The following CORO2B variants were observed in gnomAD, a reference collection of about 807,000 sequenced individuals.
The protein encoded by CORO2B is coronin 2B.
Under a neutral mutation model 58.8 loss-of-function variants are expected in CORO2B, and 26 were observed. The ratio of observed to expected loss-of-function variants is 0.44; its 90% CI spans 0.32 to 0.61. CORO2B has a LOEUF of 0.61. Among genes scored for constraint, CORO2B ranks in the 20% least tolerant of loss-of-function variants. CORO2B has a pLI of 0.04. For missense variants in CORO2B, 460 were observed against 645.1 expected (o/e 0.71, Z 3.11); for synonymous variants, 242 against 253.8 (o/e 0.95, Z 0.44).
intron 2 of CORO2B, among the ~76,000 whole-genome samples, chr15:68,674,945 G>A (rs1276185935): frequency 1.3e-5 from 2 of 152,144 alleles, no homozygotes; most frequent in South Asian, 2.1e-4. Flanking sequence ...GGTGGAGCAC[G>A]AAAGGAATGA....
intron 11 of CORO2B, 27 bp downstream of exon 11, chr15:68,719,579 C>T (rs55921407): frequency 0.21 from 341,979 of 1,601,468 alleles, 39,562 homozygotes; most frequent in Non-Finnish European, 0.24. Context: ...ATTACCTCCA[C>T]AGGCCCTGGA....
In CORO2B at chr15:68,579,234, G is replaced by GC; in HGVS notation, c.-28dup. 8.8e-7 allele frequency: 1 copy of GC among 1,132,344 alleles called. No individual in the cohort carries two copies. Among genetic ancestry groups the GC allele is most frequent in the Non-Finnish European group, 1.1e-6 (1 of 925,232 alleles). The allele number at this position is 1,132,344 out of a possible 1,614,324, so 70.1% of individuals were successfully genotyped here. A position where few individuals can be genotyped will look rare whatever the true frequency, so the allele number is the denominator to read the frequency against. ...GCCGCCGCCCCCGCACGCCGCGCCC[G>GC]CGCCCCCGCTCCGCCGCGGAGTTTC... On this transcript the variant is annotated 5_prime_UTR_variant, in exon 1 of 12. Transcript: ENST00000261861.
intron 2 of CORO2B, among the ~76,000 whole-genome samples, chr15:68,682,996 G>A (rs1170175464): frequency 6.6e-6 from 1 of 152,204 alleles, no homozygotes; most frequent in Non-Finnish European, 1.5e-5. Flanking sequence ...CAGAAGGAGG[G>A]GTTTTTATAA....
chr15:68,523,001 T>G, the CORO2B span, among the ~76,000 whole-genome samples: 3 of 152,108 alleles, frequency 2.0e-5, no homozygotes, highest in Non-Finnish European at 2.9e-5. Flanking sequence ...GCAGTTAGAG[T>G]AGGGGCTGTT....
chr15:68,539,435 G>A, the CORO2B span, among the ~76,000 whole-genome samples: 1 of 152,140 alleles, frequency 6.6e-6, no homozygotes, highest in Non-Finnish European at 1.5e-5. Context: ...CACTTTGGGA[G>A]GCCAAGGCAG....
intron 1 of CORO2B, chr15:68,641,510 G>A: frequency 1.0e-6 from 1 of 985,024 alleles, no homozygotes. Flanking sequence ...GGGGAGGGTG[G>A]ACGAGGAAGA....
the CORO2B span, among the ~76,000 whole-genome samples, chr15:68,553,807 C>G: frequency 1.3e-5 from 2 of 152,138 alleles, no homozygotes; most frequent in African/African-American, 4.8e-5. Context: ...ATGAAGCTAT[C>G]AGAGAAGAGG....
At chr15:68,664,823 T>G (rs1275516058) in intron 2 of CORO2B, among the ~76,000 whole-genome samples, 2 of 152,230 alleles carry the variant, frequency 1.3e-5, no homozygotes, top group South Asian at 2.1e-4. Flanking sequence ...CCTTTTTGTG[T>G]GAATTGTCTG....
chr15:68,690,496 C>T (rs1246139700), intron 2 of CORO2B, among the ~76,000 whole-genome samples: 1 of 152,174 alleles, frequency 6.6e-6, no homozygotes, highest in Non-Finnish European at 1.5e-5. Flanking sequence ...TCCCTTCTTA[C>T]TACGCACACA....
upstream of CORO2B, among the ~76,000 whole-genome samples, chr15:68,575,694 C>T (rs145181094): frequency 9.5e-3 from 1,443 of 151,700 alleles, 10 homozygotes; most frequent in South Asian, 0.015. Flanking sequence ...CACTACTCCC[C>T]ACCTCCACTG....
At position 68,726,001 on chromosome 15, in the gene CORO2B, C is replaced by G; in HGVS notation, c.*27C>G. The G allele has an allele frequency of 6.2e-7, 1 of 1,610,606 alleles. No homozygotes were observed. Among genetic ancestry groups the G allele is most frequent in the Middle Eastern group, 1.7e-4 (1 of 6,060 alleles). The stretch of plus-strand genomic sequence containing the variant: ...TCCCCAGCTGGGCTGTTTTCTAAGC[C>G]GATCTCTCCGTCGTTTCTACTCATC... On this transcript the variant is annotated 3_prime_UTR_variant, in exon 12 of 12. Transcript: ENST00000261861.
chr15:68,716,514 A>G (rs148113624), intron 8 of CORO2B, among the ~76,000 whole-genome samples: 337 of 152,290 alleles, frequency 2.2e-3, no homozygotes, highest in Middle Eastern at 6.8e-3. Flanking sequence ...CCTTACTCTC[A>G]TGGAGATCAC....
the CORO2B span, among the ~76,000 whole-genome samples, chr15:68,565,789 G>A: frequency 1.3e-5 from 2 of 152,162 alleles, no homozygotes; most frequent in Admixed American, 6.5e-5. Context: ...CTTCTGTTCT[G>A]GATAGAAATA....
intron 1 of CORO2B, among the ~76,000 whole-genome samples, chr15:68,614,178 A>G (rs778553728): frequency 6.6e-6 from 1 of 152,236 alleles, no homozygotes; most frequent in Non-Finnish European, 1.5e-5. Flanking sequence ...ACCTGTGAAC[A>G]CATCTTAATG....
At chr15:68,535,494 G>C in the CORO2B span, among the ~76,000 whole-genome samples, 4 of 152,086 alleles carry the variant, frequency 2.6e-5, no homozygotes, top group African/African-American at 9.7e-5. Context: ...CTTAGTATGA[G>C]GCACATGGTA....
At chr15:68,653,898 G>A (rs1383174027) in intron 2 of CORO2B, among the ~76,000 whole-genome samples, 9 of 150,686 alleles carry the variant, frequency 6.0e-5, no homozygotes, top group Non-Finnish European at 2.9e-5. Context: ...TCACTGCTCT[G>A]CAGTGAGGTC....
At chr15:68,680,945 G>A (rs1902759475) in intron 2 of CORO2B, among the ~76,000 whole-genome samples, 1 of 152,190 alleles carries the variant, frequency 6.6e-6, no homozygotes, top group African/African-American at 2.4e-5. Flanking sequence ...CGGGCGCGGT[G>A]GCTCACGCCT....
At position 68,705,276 on chromosome 15, in the gene CORO2B, A is replaced by T. The variant is rs557044359; in HGVS notation, c.334-5456A>T. Among the ~76,000 whole-genome samples the T allele has an allele frequency of 1.6e-3, 246 of 152,206 alleles. 2 individuals are homozygous for T. Among genetic ancestry groups the T allele is most frequent in the African/African-American group, 5.8e-3 (241 of 41,520 alleles). On this transcript the variant is annotated intron_variant, in intron 3 of 11. Transcript: ENST00000261861. ...AACATGGCGAAACCTTATCTCTACT[A>T]AAAATACAAAAATTAGCTGGGCGTG...
chr15:68,614,842 C>T (rs951214558), intron 1 of CORO2B, among the ~76,000 whole-genome samples: 2 of 152,222 alleles, frequency 1.3e-5, no homozygotes, highest in East Asian at 1.9e-4. Flanking sequence ...CTCTTAGTGA[C>T]GGGCCTGTTG....
Sources: allele counts gnomAD v4.1 joint callset (sites outside exome capture counted in the v4.1 genomes callset), GRCh38; gene constraint gnomAD v4.1.1; transcripts MANE v1.5; gene names NCBI Gene and HGNC (gene_info 2026-07-23, HGNC 2026-07-21).